HEMK2: variants seen among roughly 807,000 people sequenced by gnomAD.
HEMK2 encodes the protein HemK methyltransferase 2, ETF1 glutamine and histone H4 lysine, also known as methyltransferase HEMK2.
At chr21:28,763,405 A>C in the HEMK2 span, among the ~76,000 whole-genome samples, 20 of 152,084 alleles carry the variant, frequency 1.3e-4, 1 homozygote, top group Admixed American at 1.3e-3. Context: ...GAGCAAGAGG[A>C]GGAGGTCAGG....
the HEMK2 span, among the ~76,000 whole-genome samples, chr21:28,827,540 C>T: frequency 6.6e-6 from 1 of 152,144 alleles, no homozygotes; most frequent in Non-Finnish European, 1.5e-5. Flanking sequence ...CTCAGCCCTG[C>T]GTAACAAGCA....
At chr21:28,722,355 A>T in the HEMK2 span, among the ~76,000 whole-genome samples, 1 of 152,220 alleles carries the variant, frequency 6.6e-6, no homozygotes, top group African/African-American at 2.4e-5. Flanking sequence ...ATGAAGAACC[A>T]AGCCAGCAGG....
chr21:28,644,650 T>C, the HEMK2 span, among the ~76,000 whole-genome samples: 1 of 152,250 alleles, frequency 6.6e-6, no homozygotes, highest in Non-Finnish European at 1.5e-5. Context: ...AAATTCTGAC[T>C]ACTTTCCAAT....
the HEMK2 span, among the ~76,000 whole-genome samples, chr21:28,651,987 C>T: frequency 6.6e-6 from 1 of 152,164 alleles, no homozygotes; most frequent in Admixed American, 6.5e-5. Context: ...TACCACATTT[C>T]TGTGATTTAA....
the HEMK2 span, among the ~76,000 whole-genome samples, chr21:28,647,378 C>T: frequency 5.5e-5 from 8 of 145,950 alleles, no homozygotes; most frequent in African/African-American, 2.0e-4. Flanking sequence ...CATGGTGGCA[C>T]GTGCCTGTAG....
the HEMK2 span, among the ~76,000 whole-genome samples, chr21:28,860,908 A>G: frequency 6.6e-6 from 1 of 152,276 alleles, no homozygotes; most frequent in East Asian, 1.9e-4. Context: ...TAGCTGAAAT[A>G]TGGATTAAAA....
the HEMK2 span, among the ~76,000 whole-genome samples, chr21:28,821,792 A>G: frequency 7.2e-5 from 11 of 152,358 alleles, no homozygotes; most frequent in African/African-American, 2.6e-4. Context: ...TCAAAGAAAA[A>G]TGTAATATAA....
At chr21:28,587,527 A>G in the HEMK2 span, among the ~76,000 whole-genome samples, 31 of 152,334 alleles carry the variant, frequency 2.0e-4, no homozygotes, top group African/African-American at 7.5e-4. Context: ...AATTTACTAC[A>G]TGGGTAAGCC....
chr21:28,642,561 C>G, the HEMK2 span, among the ~76,000 whole-genome samples: 5 of 152,230 alleles, frequency 3.3e-5, no homozygotes, highest in African/African-American at 1.2e-4. Context: ...GTGGCAGCCC[C>G]TGCCCTCTCA....
At chr21:28,697,565 G>A in the HEMK2 span, among the ~76,000 whole-genome samples, 7 of 152,136 alleles carry the variant, frequency 4.6e-5, no homozygotes, top group South Asian at 2.1e-4. Context: ...CAGTTCCAGC[G>A]TGTCTTCAGA....
At chr21:28,598,256 A>G in the HEMK2 span, among the ~76,000 whole-genome samples, 1 of 152,204 alleles carries the variant, frequency 6.6e-6, no homozygotes, top group Non-Finnish European at 1.5e-5. Context: ...GCCATGCAGC[A>G]CTAGTTTGAT....
the HEMK2 span, among the ~76,000 whole-genome samples, chr21:28,841,415 T>TA: frequency 3.1e-5 from 1 of 32,324 alleles, no homozygotes; most frequent in Non-Finnish European, 4.4e-5. Context: ...AATATATATA[T>TA]TATATATATA....
chr21:28,637,224 T>C, the HEMK2 span, among the ~76,000 whole-genome samples: 2 of 152,224 alleles, frequency 1.3e-5, no homozygotes, highest in African/African-American at 4.8e-5. Flanking sequence ...TATGTACTTA[T>C]CTTATTCATC....
the HEMK2 span, among the ~76,000 whole-genome samples, chr21:28,643,481 C>G: frequency 6.6e-6 from 1 of 152,044 alleles, no homozygotes; most frequent in African/African-American, 2.4e-5. Flanking sequence ...AGTCCAAAAC[C>G]AGCCTGGGCA....
At chr21:28,730,056 C>A in the HEMK2 span, among the ~76,000 whole-genome samples, 1 of 152,016 alleles carries the variant, frequency 6.6e-6, no homozygotes, top group Non-Finnish European at 1.5e-5. Flanking sequence ...TGCTTTGTAA[C>A]AAAATCCCTC....
chr21:28,681,626 C>T, the HEMK2 span, among the ~76,000 whole-genome samples: 2 of 152,182 alleles, frequency 1.3e-5, no homozygotes, highest in African/African-American at 4.8e-5. Context: ...AAGCTGGAGG[C>T]ATCACGCTAC....
the HEMK2 span, among the ~76,000 whole-genome samples, chr21:28,740,719 T>C: frequency 6.6e-6 from 1 of 152,176 alleles, no homozygotes; most frequent in African/African-American, 2.4e-5. Context: ...TCCTAGAAAT[T>C]ATTGGCTTTA....
chr21:28,774,282 T>C, the HEMK2 span, among the ~76,000 whole-genome samples: 2 of 152,174 alleles, frequency 1.3e-5, no homozygotes, highest in Admixed American at 6.5e-5. Context: ...TAAAAACTGT[T>C]ACCAATATTA....
the HEMK2 span, among the ~76,000 whole-genome samples, chr21:28,771,518 A>ACCCCCCCCCCC: frequency 6.2e-4 from 65 of 105,428 alleles, 1 homozygote; most frequent in South Asian, 1.2e-3. Flanking sequence ...AAGATGCACC[A>ACCCCCCCCCCC]CCCCCCCCCG....
Sources: gnomAD v4.1 joint callset for allele counts (sites outside exome capture counted in the v4.1 genomes callset) on GRCh38, gnomAD v4.1.1 for gene constraint, MANE v1.5 for transcripts, NCBI Gene and HGNC (gene_info 2026-07-23, HGNC 2026-07-21) for gene names.